RBFOX1: variants seen among roughly 807,000 people sequenced by gnomAD.
RBFOX1 encodes the protein RNA binding fox-1 homolog 1.
RBFOX1 carries 8 observed loss-of-function variants against 57.7 expected under a neutral mutation model. That is an observed-to-expected ratio of 0.14 (90% CI 0.08 to 0.25). The LOEUF (loss-of-function observed/expected upper bound fraction) is 0.25. Among genes scored for constraint, RBFOX1 ranks in the 10% least tolerant of loss-of-function variants. The pLI, the probability that RBFOX1 is intolerant of heterozygous loss-of-function variation, is 1.00. For missense variants in RBFOX1, 611 were observed against 548.5 expected, an observed-to-expected ratio of 1.11 and a Z score of -1.14; for synonymous variants, 326 against 222.4, an observed-to-expected ratio of 1.47 and a Z score of -4.15.
chr16:7,632,895 A>C (rs2061206058), intron 11 of RBFOX1, among the ~76,000 whole-genome samples: 1 of 151,450 alleles, frequency 6.6e-6, no homozygotes, highest in African/African-American at 2.4e-5. Context: ...GAAGTGAACA[A>C]AACAATCAAC....
At chr16:7,239,853 A>C (rs1440401205) in intron 4 of RBFOX1, among the ~76,000 whole-genome samples, 1 of 151,590 alleles carries the variant, frequency 6.6e-6, no homozygotes, top group African/African-American at 2.4e-5. Context: ...TGAAACTACT[A>C]CTTGAAAACT....
At chr16:5,795,015 C>G (rs2054829253) in intron 3 of RBFOX1, among the ~76,000 whole-genome samples, 2 of 152,192 alleles carry the variant, frequency 1.3e-5, no homozygotes, top group South Asian at 2.1e-4. Context: ...GGCTCAAAAT[C>G]TAACTTTTCT....
At chr16:7,416,853 A>G (rs897130619) in intron 4 of RBFOX1, among the ~76,000 whole-genome samples, 2 of 152,112 alleles carry the variant, frequency 1.3e-5, no homozygotes, top group Non-Finnish European at 2.9e-5. Flanking sequence ...CACGTAACAC[A>G]TATTATCTCA....
chr16:7,388,108 A>G (rs2097915274), intron 4 of RBFOX1, among the ~76,000 whole-genome samples: 1 of 152,134 alleles, frequency 6.6e-6, no homozygotes, highest in Admixed American at 6.5e-5. Context: ...GATCATATAA[A>G]CATAATCAGT....
chr16:6,353,384 C>T (rs1388580561), intron 2 of RBFOX1, among the ~76,000 whole-genome samples: 2 of 151,450 alleles, frequency 1.3e-5, no homozygotes, highest in African/African-American at 2.4e-5. Context: ...GCTCATTTGC[C>T]ATCCTAGATA....
intron 1 of RBFOX1, among the ~76,000 whole-genome samples, chr16:6,256,221 G>A (rs113403477): frequency 2.6e-5 from 2 of 76,604 alleles, no homozygotes; most frequent in African/African-American, 1.3e-4. Context: ...GTATATATAT[G>A]TATATATATA....
chr16:7,374,712 G>A (rs769693310), intron 4 of RBFOX1, among the ~76,000 whole-genome samples: 7 of 152,086 alleles, frequency 4.6e-5, no homozygotes, highest in Admixed American at 1.3e-4. Context: ...TCTTCAACAC[G>A]TACTCGGTCC....
chr16:6,659,019 AT>A (rs2098683260), intron 3 of RBFOX1, among the ~76,000 whole-genome samples: 1 of 151,242 alleles, frequency 6.6e-6, no homozygotes. Flanking sequence ...GAGGTAACCC[AT>A]CACTTGGAGT....
chr16:5,940,589 A>T (rs936826771), intron 4 of RBFOX1, among the ~76,000 whole-genome samples: 1 of 152,214 alleles, frequency 6.6e-6, no homozygotes, highest in South Asian at 2.1e-4. Context: ...TAAAAATTTC[A>T]ATCAGGGCTC....
intron 2 of RBFOX1, among the ~76,000 whole-genome samples, chr16:6,505,729 T>C (rs373437417): frequency 1.7e-4 from 26 of 152,284 alleles, no homozygotes; most frequent in African/African-American, 6.3e-4. Flanking sequence ...GACTAAAAAC[T>C]CAAGAGTCTA....
chr16:6,745,375 C>A (rs1425236241), intron 3 of RBFOX1, among the ~76,000 whole-genome samples: 1 of 152,102 alleles, frequency 6.6e-6, no homozygotes, highest in Non-Finnish European at 1.5e-5. Context: ...GACTAGTCTT[C>A]CTCATGAATA....
intron 5 of RBFOX1, among the ~76,000 whole-genome samples, chr16:7,523,211 G>A (rs1320101478): frequency 1.3e-5 from 2 of 152,110 alleles, no homozygotes; most frequent in Non-Finnish European, 2.9e-5. Flanking sequence ...GCATGGATAT[G>A]CCACAGTTTA....
intron 1 of RBFOX1, among the ~76,000 whole-genome samples, chr16:5,345,452 G>A (rs577958911): frequency 1.3e-5 from 2 of 152,272 alleles, no homozygotes; most frequent in South Asian, 2.1e-4. Context: ...GAGATCAGCC[G>A]CTGTCCACTT....
chr16:7,431,504 G>A (rs933076595), intron 4 of RBFOX1, among the ~76,000 whole-genome samples: 4 of 152,164 alleles, frequency 2.6e-5, no homozygotes, highest in African/African-American at 9.7e-5. Flanking sequence ...GCCTCCCAAA[G>A]TGTGGGATTA....
At chr16:7,326,428 G>T (rs1874982273) in intron 4 of RBFOX1, among the ~76,000 whole-genome samples, 1 of 152,162 alleles carries the variant, frequency 6.6e-6, no homozygotes, top group Non-Finnish European at 1.5e-5. Flanking sequence ...TAGAATGGAA[G>T]CTCGAACAGC....
chr16:6,004,590 A>G (rs1432994753), intron 4 of RBFOX1, among the ~76,000 whole-genome samples: 1 of 152,190 alleles, frequency 6.6e-6, no homozygotes, highest in Non-Finnish European at 1.5e-5. Context: ...AGCTTCTTAT[A>G]TGCTATTCAT....
chr16:7,631,949 A>G (rs1219501826), intron 11 of RBFOX1, among the ~76,000 whole-genome samples: 1 of 152,072 alleles, frequency 6.6e-6, no homozygotes, highest in African/African-American at 2.4e-5. Flanking sequence ...TCACTCTGTT[A>G]CCCAGGCTGG....
At chr16:6,776,263 T>A (rs148998060) in intron 3 of RBFOX1, among the ~76,000 whole-genome samples, 2,517 of 151,296 alleles carry the variant, frequency 0.017, 81 homozygotes, top group African/African-American at 0.057. Context: ...TACAAAAAAT[T>A]AGCCGGGCGT....
chr16:5,476,551 G>A (rs1168038045), intron 2 of RBFOX1, among the ~76,000 whole-genome samples: 2 of 152,194 alleles, frequency 1.3e-5, no homozygotes, highest in African/African-American at 4.8e-5. Context: ...CTCAGCCCTG[G>A]CACTCACAGG....
Sources: gnomAD v4.1 joint callset for allele counts (sites outside exome capture counted in the v4.1 genomes callset) on GRCh38, gnomAD v4.1.1 for gene constraint, MANE v1.5 for transcripts, NCBI Gene and HGNC (gene_info 2026-07-23, HGNC 2026-07-21) for gene names.